PTPRM: variants seen among roughly 807,000 people sequenced by gnomAD.
PTPRM encodes receptor-type tyrosine-protein phosphatase mu.
Under a neutral mutation model 186.7 loss-of-function variants are expected in PTPRM, and 47 were observed. The observed-to-expected ratio is 0.25, with a 90% CI of 0.20 to 0.32. The LOEUF (loss-of-function observed/expected upper bound fraction) is 0.32. Ranked by LOEUF, PTPRM falls within the 10% of genes least tolerant of loss-of-function variation. The pLI is 1.00. For missense variants in PTPRM, 1,494 were observed against 1,865.0 expected, an observed-to-expected ratio of 0.80 and a Z score of 3.66; for synonymous variants, 668 against 674.9, an observed-to-expected ratio of 0.99 and a Z score of 0.16.
intron 14 of PTPRM, among the ~76,000 whole-genome samples, chr18:8,192,561 C>T (rs376381716): frequency 1.3e-5 from 2 of 152,060 alleles, no homozygotes; most frequent in South Asian, 4.2e-4. Flanking sequence ...GATTATAACA[C>T]ATTGAATTTT....
intron 1 of PTPRM, among the ~76,000 whole-genome samples, chr18:7,573,074 T>A (rs1302805801): frequency 2.6e-5 from 4 of 152,054 alleles, no homozygotes; most frequent in Non-Finnish European, 4.4e-5. Flanking sequence ...CCCCCATCAT[T>A]GGTGAGGAGG....
chr18:8,098,015 T>G (rs566786663), intron 11 of PTPRM, among the ~76,000 whole-genome samples: 1 of 152,330 alleles, frequency 6.6e-6, no homozygotes, highest in South Asian at 2.1e-4. Flanking sequence ...CCCACTGTTT[T>G]ACAGTTGCCT....
At chr18:8,209,989 TAAAAAAAAAAAAA>T (rs67547673) in intron 14 of PTPRM, among the ~76,000 whole-genome samples, 8 of 78,704 alleles carry the variant, frequency 1.0e-4, no homozygotes, top group Admixed American at 3.5e-4. Flanking sequence ...GAAGTAAAAT[TAAAAAAAAAAAAA>T]AAAAAAAAAA....
intron 1 of PTPRM, among the ~76,000 whole-genome samples, chr18:7,607,183 G>T (rs2037551817): frequency 6.6e-6 from 1 of 152,122 alleles, no homozygotes; most frequent in Non-Finnish European, 1.5e-5. Flanking sequence ...ATTCTCACCA[G>T]CTCCTTAAGG....
At chr18:8,027,020 G>A (rs968863246) in intron 7 of PTPRM, among the ~76,000 whole-genome samples, 1 of 152,026 alleles carries the variant, frequency 6.6e-6, no homozygotes, top group African/African-American at 2.4e-5. Context: ...TATAGATATT[G>A]GATACCCAAG....
At position 8,398,692 on chromosome 18, in the gene PTPRM, C is replaced by T. The variant is rs147328658; in HGVS notation, c.4344+4081C>T. Among the ~76,000 whole-genome samples the T allele has an allele frequency of 7.7e-3, 1,162 of 151,522 alleles. 12 individuals carry two copies. Among genetic ancestry groups the T allele is most frequent in the African/African-American group, 0.026 (1,075 of 41,136 alleles). On this transcript the variant is annotated intron_variant, in intron 32 of 32. Transcript: ENST00000580170. ...GGCTGAGGCAGAAGAATCACTTGAA[C>T]TCAGGAGGCAGAGGTTGCAGTGAGC... is the stretch of plus-strand genomic sequence containing the variant.
chr18:7,949,365 G>A lies in PTPRM; in HGVS notation c.838+10G>A, dbSNP rs1026849814. 6.2e-7 allele frequency: 1 copy of A among 1,600,180 alleles called. No homozygotes were observed. Among genetic ancestry groups the A allele is most frequent in the Non-Finnish European group, 8.6e-7 (1 of 1,169,448 alleles). ...GAGTTGGTAGTTAAAGGTATTTAATGTGTTTTTATACCAGAATATTCTTCT... is the reference window on the plus strand; with the variant it reads ...GAGTTGGTAGTTAAAGGTATTTAATATGTTTTTATACCAGAATATTCTTCT... On this transcript the variant is annotated intron_variant, in intron 6 of 32. Coordinates refer to ENST00000580170, the MANE Select transcript of PTPRM (RefSeq NM_001105244.2).
intron 20 of PTPRM, among the ~76,000 whole-genome samples, chr18:8,302,499 G>C (rs559759879): frequency 1.3e-5 from 2 of 152,054 alleles, no homozygotes; most frequent in Non-Finnish European, 2.9e-5. Context: ...GGGGTTGGGG[G>C]GGTGTTAATA....
chr18:8,131,624 C>T (rs2092510465), intron 13 of PTPRM, among the ~76,000 whole-genome samples: 1 of 152,164 alleles, frequency 6.6e-6, no homozygotes, highest in Admixed American at 6.5e-5. Context: ...TCAACAGCAT[C>T]AGTTCTCAAG....
rs115995292 is a variant in PTPRM, at chr18:8,012,114, G to T, written c.1132+56700G>T. Among the ~76,000 whole-genome samples the T allele has an allele frequency of 6.9e-3, 1,049 of 152,292 alleles. 11 individuals are homozygous for T. The highest frequency in any genetic ancestry group is 0.023 in the African/African-American group (963 of 41,574). ...TCTGCAAGTTGGAGAGACGCCACTG[G>T]GGGGCATTGACCTGTGCTACTTGAG... is the stretch of plus-strand genomic sequence containing the variant. On this transcript the variant is annotated intron_variant, in intron 7 of 32. Coordinates refer to ENST00000580170, the MANE Select transcript of PTPRM (RefSeq NM_001105244.2).
chr18:8,197,552 TTC>T (rs1244887175), intron 14 of PTPRM, among the ~76,000 whole-genome samples: 1 of 152,230 alleles, frequency 6.6e-6, no homozygotes, highest in Non-Finnish European at 1.5e-5. Flanking sequence ...GAGTAGGCTT[TTC>T]TGTTTATTGG....
intron 1 of PTPRM, among the ~76,000 whole-genome samples, chr18:7,616,720 A>G (rs532094609): frequency 2.0e-5 from 3 of 152,240 alleles, no homozygotes; most frequent in East Asian, 3.9e-4. Context: ...AGCTGCAGCC[A>G]GTTTGTGCTG....
intron 19 of PTPRM, among the ~76,000 whole-genome samples, chr18:8,275,544 G>C (rs569959847): frequency 6.6e-6 from 1 of 152,158 alleles, no homozygotes; most frequent in Non-Finnish European, 1.5e-5. Context: ...GCATGAATGC[G>C]GTCAGAAAGT....
intron 13 of PTPRM, among the ~76,000 whole-genome samples, chr18:8,126,810 A>C (rs1445536897): frequency 6.6e-6 from 1 of 152,164 alleles, no homozygotes; most frequent in Non-Finnish European, 1.5e-5. Flanking sequence ...AGTTAGTAGC[A>C]GTAACAGCAG....
At chr18:7,831,709 A>G (rs1025634161) in intron 2 of PTPRM, among the ~76,000 whole-genome samples, 4 of 152,104 alleles carry the variant, frequency 2.6e-5, no homozygotes, top group Non-Finnish European at 5.9e-5. Context: ...ACTAGGTCTT[A>G]TTCACTCTGT....
At chr18:7,743,648 A>G (rs117490391) in intron 1 of PTPRM, among the ~76,000 whole-genome samples, 1 of 152,204 alleles carries the variant, frequency 6.6e-6, no homozygotes, top group Non-Finnish European at 1.5e-5. Context: ...AGGATTAAGC[A>G]TGTAGTTGGC....
At chr18:7,833,096 A>T (rs1254923897) in intron 2 of PTPRM, among the ~76,000 whole-genome samples, 1 of 151,814 alleles carries the variant, frequency 6.6e-6, no homozygotes, top group African/African-American at 2.4e-5. Context: ...AGCTTTGACT[A>T]TTCTGGGTCT....
At chr18:8,176,260 T>C (rs1471949060) in intron 14 of PTPRM, among the ~76,000 whole-genome samples, 1 of 152,118 alleles carries the variant, frequency 6.6e-6, no homozygotes, top group African/African-American at 2.4e-5. Flanking sequence ...AAGTTATTTT[T>C]GGAAACAAGC....
intron 5 of PTPRM, among the ~76,000 whole-genome samples, chr18:7,944,958 G>T (rs1473944117): frequency 6.6e-6 from 1 of 152,176 alleles, no homozygotes; most frequent in Admixed American, 6.5e-5. Context: ...TTAATCTCCA[G>T]TGTCATTATT....
Sources: gnomAD v4.1 joint callset for allele counts (sites outside exome capture counted in the v4.1 genomes callset) on GRCh38, gnomAD v4.1.1 for gene constraint, MANE v1.5 for transcripts, NCBI Gene and HGNC (gene_info 2026-07-23, HGNC 2026-07-21) for gene names.